The following PPM1D variants were observed in gnomAD, a reference collection of about 807,000 sequenced individuals.
PPM1D encodes protein phosphatase 1D.
A neutral mutation model predicts 58.3 loss-of-function variants in PPM1D; 52 were observed. That is an observed-to-expected ratio of 0.89 (90% CI 0.71 to 1.12). The LOEUF is 1.12. Ranked by LOEUF, PPM1D falls within the 50% of genes most tolerant of loss-of-function variation. The pLI, the probability that PPM1D is intolerant of heterozygous loss-of-function variation, is 0.00. For synonymous variants in PPM1D, 278 were observed against 285.1 expected (o/e 0.98, Z 0.25); for missense variants, 564 against 777.2 (o/e 0.73, Z 3.26).
chr17:60,663,853 T>C lies in PPM1D; in HGVS notation c.*301T>C, dbSNP rs1331510892. On this transcript the variant is annotated 3_prime_UTR_variant, in exon 6 of 6. Coordinates refer to ENST00000305921, the MANE Select transcript of PPM1D (RefSeq NM_003620.4). The stretch of plus-strand genomic sequence containing the variant: ...CAGTAATTGTGACAATAGGGCTAAA[T>C]GTTTAAAGAAATCAAAAGAATCTAT... The C allele has an allele frequency of 4.6e-6, 1 of 217,628 alleles. No homozygotes were observed. Among genetic ancestry groups the C allele is most frequent in the African/African-American group, 2.3e-5 (1 of 43,726 alleles). 13.5% of individuals were successfully genotyped at this position (217,628 alleles called of 1,614,324 possible). A position where few individuals can be genotyped will look rare whatever the true frequency, so the allele number is the denominator to read the frequency against.
intron 3 of PPM1D, among the ~76,000 whole-genome samples, chr17:60,636,525 G>C (rs1489484432): frequency 6.6e-6 from 1 of 152,176 alleles, no homozygotes; most frequent in Non-Finnish European, 1.5e-5. Context: ...AATGCTATGA[G>C]GGTGGGGCCT....
chr17:60,614,671 G>A (rs2030543803), intron 1 of PPM1D, among the ~76,000 whole-genome samples: 1 of 152,250 alleles, frequency 6.6e-6, no homozygotes, highest in East Asian at 1.9e-4. Context: ...TTTATGAGCT[G>A]TAACACTCAC....
chr17:60,633,157 C>T (rs1411314460), intron 2 of PPM1D, among the ~76,000 whole-genome samples: 3 of 149,658 alleles, frequency 2.0e-5, no homozygotes, highest in African/African-American at 7.4e-5. Context: ...TGGTAGCATA[C>T]GCCTGTAATC....
At chr17:60,612,070 A>G (rs2030468563) in intron 1 of PPM1D, among the ~76,000 whole-genome samples, 1 of 152,000 alleles carries the variant, frequency 6.6e-6, no homozygotes, top group African/African-American at 2.4e-5. Flanking sequence ...TTATAGAGGT[A>G]TAATTGACAT....
At chr17:60,625,035 G>A (rs1007500717) in intron 2 of PPM1D, among the ~76,000 whole-genome samples, 17 of 150,800 alleles carry the variant, frequency 1.1e-4, no homozygotes, top group African/African-American at 2.9e-4. Context: ...CCAACTATTC[G>A]GGAGGCTGAG....
chr17:60,605,907 A>G (rs2030320310), intron 1 of PPM1D, among the ~76,000 whole-genome samples: 1 of 152,170 alleles, frequency 6.6e-6, no homozygotes, highest in East Asian at 1.9e-4. Flanking sequence ...TCTGTCTCAT[A>G]AATAAATAAA....
chr17:60,608,175 C>T (rs922140162), intron 1 of PPM1D, among the ~76,000 whole-genome samples: 1 of 152,130 alleles, frequency 6.6e-6, no homozygotes, highest in Admixed American at 6.5e-5. Flanking sequence ...CATTATCAGT[C>T]ATTACTTTTG....
intron 4 of PPM1D, among the ~76,000 whole-genome samples, chr17:60,648,602 C>G (rs1470538712): frequency 1.3e-5 from 2 of 151,962 alleles, no homozygotes; most frequent in African/African-American, 2.4e-5. Context: ...CCAGGATGGT[C>G]TCGATCTGAC....
chr17:60,659,942 T>TTA (rs1490483259), intron 5 of PPM1D, among the ~76,000 whole-genome samples: 48 of 152,364 alleles, frequency 3.2e-4, no homozygotes, highest in South Asian at 1.0e-3. Flanking sequence ...CTGGGTGTGG[T>TTA]GGCTCACGCC....
rs762836434 is a variant in PPM1D at position 60,648,001 on chromosome 17, G to A, written c.936G>A (p.Gly312=). ...DPQKHKYIIL[G]SDGLWNMIPP... ...AGAAGCACAAGTATATTATATTGGG[G>A]AGTGATGGACTTTGGAATATGATTC... Residue 312 remains glycine (G), a synonymous_variant, in exon 4 of 6, where the codon GGG becomes GGA. Coordinates refer to ENST00000305921, the MANE Select transcript of PPM1D (RefSeq NM_003620.4). The A allele has an allele frequency of 3.7e-6, 6 of 1,613,910 alleles. No individual in the cohort carries two copies. The highest frequency in any genetic ancestry group is 2.7e-5 in the African/African-American group (2 of 74,942).
At chr17:60,625,684 A>T (rs1445343998) in intron 2 of PPM1D, among the ~76,000 whole-genome samples, 2 of 152,216 alleles carry the variant, frequency 1.3e-5, no homozygotes, top group African/African-American at 4.8e-5. Context: ...ATGAACTCCC[A>T]TGTATATGGG....
chr17:60,612,363 C>T (rs1002588590), intron 1 of PPM1D, among the ~76,000 whole-genome samples: 11 of 152,058 alleles, frequency 7.2e-5, no homozygotes, highest in Admixed American at 2.6e-4. Flanking sequence ...TGTTGGTGTG[C>T]GAATATCAGA....
At chr17:60,639,661 C>CT (rs2031096397) in intron 3 of PPM1D, among the ~76,000 whole-genome samples, 1 of 152,232 alleles carries the variant, frequency 6.6e-6, no homozygotes. Flanking sequence ...TGGTCTCGAA[C>CT]TCCTGACCTC....
chr17:60,616,931 A>G (rs1468643566), intron 1 of PPM1D, among the ~76,000 whole-genome samples: 2 of 151,948 alleles, frequency 1.3e-5, no homozygotes, highest in Non-Finnish European at 2.9e-5. Flanking sequence ...TACTGTAGGT[A>G]AATTTTGTTT....
At chr17:60,617,596 T>C (rs1305315766) in intron 1 of PPM1D, among the ~76,000 whole-genome samples, 1 of 150,914 alleles carries the variant, frequency 6.6e-6, no homozygotes, top group Admixed American at 6.6e-5. Flanking sequence ...CAAAAGCTAG[T>C]AAACACCCCA....
chr17:60,641,812 C>G (rs1294949650), intron 3 of PPM1D, among the ~76,000 whole-genome samples: 2 of 152,206 alleles, frequency 1.3e-5, no homozygotes, highest in African/African-American at 2.4e-5. Context: ...GGAAGCCACT[C>G]AAAGGGGTGC....
chr17:60,637,456 G>A (rs974996200), intron 3 of PPM1D, among the ~76,000 whole-genome samples: 8 of 152,144 alleles, frequency 5.3e-5, no homozygotes, highest in Non-Finnish European at 5.9e-5. Context: ...TTGCCACTAA[G>A]TGATAAAGAA....
chr17:60,646,907 C>T (rs1264200856), intron 3 of PPM1D, among the ~76,000 whole-genome samples: 1 of 152,178 alleles, frequency 6.6e-6, no homozygotes, highest in African/African-American at 2.4e-5. Context: ...CATTACAATG[C>T]TCATTTTTAT....
chr17:60,608,893 G>A (rs1471412898), intron 1 of PPM1D, among the ~76,000 whole-genome samples: 2 of 151,340 alleles, frequency 1.3e-5, no homozygotes, highest in South Asian at 2.1e-4. Flanking sequence ...GACTACAGGC[G>A]CCCGCCACCA....
Sources: gnomAD v4.1 joint callset for allele counts (sites outside exome capture counted in the v4.1 genomes callset) on GRCh38, gnomAD v4.1.1 for gene constraint, MANE v1.5 for transcripts, NCBI Gene and HGNC (gene_info 2026-07-23, HGNC 2026-07-21) for gene names.